The following TBR1 variants were observed in gnomAD, a reference collection of about 807,000 sequenced individuals.
TBR1 encodes the protein T-box brain transcription factor 1.
TBR1 carries 7 observed loss-of-function variants against 60.3 expected under a neutral mutation model. The ratio of observed to expected loss-of-function variants is 0.12; its 90% CI spans 0.07 to 0.22. The LOEUF (loss-of-function observed/expected upper bound fraction) is 0.22, where lower values mean the gene tolerates loss of function less well. Among genes scored for constraint, TBR1 ranks in the 10% least tolerant of loss-of-function variants. TBR1 has a pLI of 1.00. For synonymous variants in TBR1, 417 were observed against 409.9 expected (o/e 1.02, Z -0.21); for missense variants, 616 against 936.8 (o/e 0.66, Z 4.47).
intron 3 of TBR1, 25 bp downstream of exon 3, chr2:161,418,347 TTC>T (rs763014748): frequency 2.9e-5 from 47 of 1,606,972 alleles, no homozygotes; most frequent in South Asian, 2.5e-4. Flanking sequence ...CGCTCGTGTT[TTC>T]TCTCTCTCTC....
chr2:161,423,659 A>G lies in TBR1; in HGVS notation c.1481A>G (p.Asp494Gly). The change falls in exon 6 of 6, where the codon GAC becomes GGC. Residue 494 changes from aspartate (D) to glycine (G), a missense_variant. Around this residue, in one of 8 missense-constraint regions of TBR1, gnomAD observed 210 missense variants for 297.4 expected, o/e 0.71. Coordinates refer to ENST00000389554, the MANE Select transcript of TBR1 (RefSeq NM_006593.4). Reference protein sequence around the residue: ...WFVTPANNRLDFAASAYDTAT... With the variant: ...WFVTPANNRLGFAASAYDTAT... ...GTGACGCCGGCCAACAACCGGCTGG[A>G]CTTCGCGGCCTCGGCCTATGACACG... The G allele has an allele frequency of 6.5e-7, 1 of 1,544,830 alleles. No individual in the cohort carries two copies.
Position 161,416,467 on chromosome 2 carries a change from T to C in TBR1, c.57T>C (p.Asn19=), listed in dbSNP as rs769268980. ...TCATGCTCTCCAAGAAATTTCTCAA[T>C]GTGAGCAGCAGCTACCCACATTCAG... ...PSIMLSKKFL[N]VSSSYPHSGG... Residue 19 remains asparagine (N), a synonymous_variant, in exon 1 of 6, where the codon AAT becomes AAC. Transcript: ENST00000389554. The surrounding 1 kb of genome is among the most constrained non-coding windows in gnomAD (Gnocchi z 6.1). The C allele has an allele frequency of 1.4e-5, 22 of 1,612,956 alleles. No individual in the cohort carries two copies. Among genetic ancestry groups the C allele is most frequent in the Non-Finnish European group, 1.8e-5 (21 of 1,179,400 alleles).
intron 5 of TBR1, 108 bp downstream of exon 5, chr2:161,420,365 GGTT>G (rs1684208692): frequency 1.5e-6 from 1 of 654,096 alleles, no homozygotes; most frequent in Admixed American, 3.1e-5. Context: ...GTGAAGACAA[GGTT>G]GTTTTAGAGG....
chr2:161,420,860 CT>C (rs1488942082), intron 5 of TBR1: 2 of 152,226 alleles, frequency 1.3e-5, no homozygotes, highest in Admixed American at 1.3e-4. Context: ...TCATTTTAGG[CT>C]TTCGGAAAGA....
intron 3 of TBR1, 153 bp from the exon 4 acceptor site, chr2:161,418,739 C>A: frequency 9.3e-7 from 1 of 1,074,078 alleles, no homozygotes; most frequent in Non-Finnish European, 1.3e-6. Flanking sequence ...GCCAGCCAGC[C>A]GCCAGCCAGG....
At chr2:161,419,298 A>G in intron 4 of TBR1, 1 of 484,564 alleles carries the variant, frequency 2.1e-6, no homozygotes. Context: ...TGAGGTGGCC[A>G]GGATTTCTAA....
At chr2:161,423,265 G>C in intron 5 of TBR1, 104 bp from the exon 6 acceptor site, 2 of 834,316 alleles carry the variant, frequency 2.4e-6, no homozygotes, top group Non-Finnish European at 3.6e-6. Flanking sequence ...AGGGTGTGGG[G>C]GTGGGCGAAA....
intron 5 of TBR1, 41 bp from the exon 6 acceptor site, chr2:161,423,328 G>T: frequency 3.0e-6 from 2 of 673,546 alleles, no homozygotes; most frequent in African/African-American, 2.1e-5. Context: ...GGACCTCCGC[G>T]CCACCCCTCG....
In TBR1 at chr2:161,424,009, G is replaced by A; in HGVS notation, c.1831G>A (p.Asp611Asn). 6.3e-7 allele frequency: 1 copy of A among 1,576,918 alleles called. No homozygotes were observed. Among genetic ancestry groups the A allele is most frequent in the Non-Finnish European group, 8.6e-7 (1 of 1,161,760 alleles). Residue 611 changes from aspartate (D) to asparagine (N), a missense_variant, in exon 6 of 6, where the codon GAT (aspartate) becomes AAT (asparagine). Physicochemically the swap from Asp to Asn is conservative, Grantham distance 23. Coordinates refer to ENST00000389554, the MANE Select transcript of TBR1 (RefSeq NM_006593.4). This position sits in a 1 kb window ranked among gnomAD's most constrained non-coding sequence, Gnocchi z 4.4. ...GGACGCCAAGCCCAAGGACCTGTCC[G>A]ATTCCAGCTGGATCGAGACGCCCTC... ...AEDAKPKDLS[D>N]SSWIETPSSI...
intron 5 of TBR1, 179 bp from the exon 6 acceptor site, chr2:161,423,190 G>A: frequency 2.2e-6 from 1 of 454,274 alleles, no homozygotes. Context: ...TTTATTTTGG[G>A]AATGATAGAG....
chr2:161,418,873 C>T lies in TBR1; in HGVS notation c.970-19C>T. 6.2e-7 allele frequency: 1 copy of T among 1,602,578 alleles called. No individual in the cohort carries two copies. Among genetic ancestry groups the T allele is most frequent in the Non-Finnish European group, 8.5e-7 (1 of 1,173,186 alleles). On this transcript the variant is annotated intron_variant, in intron 3 of 5. Coordinates refer to ENST00000389554, the MANE Select transcript of TBR1 (RefSeq NM_006593.4). ...CGTTAACACGCCACCCGGCGCTCCC[C>T]TTTCTTCCCGCCGGACAGATGGTGG...
Position 161,424,414 on chromosome 2 carries a change from C to T in TBR1, c.*187C>T. On this transcript the variant is annotated 3_prime_UTR_variant, in exon 6 of 6. Coordinates refer to ENST00000389554, the MANE Select transcript of TBR1 (RefSeq NM_006593.4). The surrounding 1 kb of genome is among the most constrained non-coding windows in gnomAD (Gnocchi z 4.4). ...ATTTTAACCTTTTTTGCACAGCAGT[C>T]TCTGCAATTAGCTCACCGACCTTCA... The T allele has an allele frequency of 3.1e-6, 2 of 650,060 alleles. No homozygotes were observed. Among genetic ancestry groups the T allele is most frequent in the Admixed American group, 3.1e-5 (1 of 32,480 alleles). The allele number at this position is 650,060 out of a possible 1,614,324, so 40.3% of individuals were successfully genotyped here.
chr2:161,417,025 G>A lies in TBR1; in HGVS notation c.615G>A (p.Gln205=). 2.5e-6 allele frequency: 4 copies of A among 1,613,966 alleles called. No individual in the cohort carries two copies. The South Asian group carries it at 3.3e-5, about 13-fold the overall frequency. ...TQPGLVPGKA[Q]VYLCNRPLWL... is the part of the protein sequence containing the mutation. Reference sequence around the variant, plus strand: ...CGGGGCTGGTGCCCGGCAAAGCACAGGTGTACCTGTGCAACAGGCCCCTTT... The same window carrying A: ...CGGGGCTGGTGCCCGGCAAAGCACAAGTGTACCTGTGCAACAGGCCCCTTT... Residue 205 remains glutamine (Q), a synonymous_variant, in exon 1 of 6, where the codon CAG becomes CAA. Coordinates refer to ENST00000389554, the MANE Select transcript of TBR1 (RefSeq NM_006593.4). The surrounding 1 kb of genome is among the most constrained non-coding windows in gnomAD (Gnocchi z 5.3).
chr2:161,418,453 G>C, intron 3 of TBR1, 131 bp downstream of exon 3: 1 of 1,282,100 alleles, frequency 7.8e-7, no homozygotes, highest in Non-Finnish European at 1.1e-6. Context: ...CTTAAAAATT[G>C]TATTTCCACC....
chr2:161,420,735 T>C (rs910581729), intron 5 of TBR1: 4 of 152,606 alleles, frequency 2.6e-5, no homozygotes, highest in Non-Finnish European at 5.8e-5. Flanking sequence ...TATGCGACCT[T>C]TATTTACCCA....
In TBR1 at chr2:161,424,229, C is replaced by A; in HGVS notation, c.*2C>A. On this transcript the variant is annotated 3_prime_UTR_variant, in exon 6 of 6. Coordinates refer to ENST00000389554, the MANE Select transcript of TBR1 (RefSeq NM_006593.4). This position sits in a 1 kb window ranked among gnomAD's most constrained non-coding sequence, Gnocchi z 4.4. ...TATGGCTTCTACTCGCACAGCTAGG[C>A]CGCCCCTGCCCGCCCGGCCCCGCCG... The A allele has an allele frequency of 6.5e-7, 1 of 1,549,316 alleles. No individual in the cohort carries two copies. Among genetic ancestry groups the A allele is most frequent in the Non-Finnish European group, 8.7e-7 (1 of 1,142,940 alleles).
rs1684120733 is a variant in TBR1 at position 161,416,328 on chromosome 2, A to C, written c.-83A>C. 7 of 1,115,784 alleles carry C rather than the reference A, an allele frequency of 6.3e-6. No individual in the cohort carries two copies. The South Asian group carries it at 1.1e-4, about 17-fold the overall frequency. 69.1% of individuals were successfully genotyped at this position (1,115,784 alleles called of 1,614,324 possible). On this transcript the variant is annotated 5_prime_UTR_variant, in exon 1 of 6. Coordinates refer to ENST00000389554, the MANE Select transcript of TBR1 (RefSeq NM_006593.4). This position sits in a 1 kb window ranked among gnomAD's most constrained non-coding sequence, Gnocchi z 6.1. ...TGGTTGAAGTGCTTTCTGTCTAGTG[A>C]GGGGGTCTGTGGATTTCTAGTTTAT... is the stretch of plus-strand genomic sequence containing the variant.
chr2:161,416,757 C>T lies in TBR1; in HGVS notation c.347C>T (p.Ala116Val), dbSNP rs1684129296. The change falls in exon 1 of 6, where the codon GCG becomes GTG. Residue 116 changes from alanine (A) to valine (V), a missense_variant. Physicochemically the swap from Ala to Val is moderately conservative, Grantham distance 64. Coordinates refer to ENST00000389554, the MANE Select transcript of TBR1 (RefSeq NM_006593.4). This position sits in a 1 kb window ranked among gnomAD's most constrained non-coding sequence, Gnocchi z 6.1. ...TCTCAGTCCAGCCAGCCACAGTCTG[C>T]GGCCACTGCTCCCAGTGCCATGTTC... ...LLSQSSQPQS[A>V]ATAPSAMFPY... The T allele has an allele frequency of 2.5e-6, 4 of 1,614,126 alleles. No individual in the cohort carries two copies. Among genetic ancestry groups the T allele is most frequent in the Non-Finnish European group, 3.4e-6 (4 of 1,180,030 alleles).
In TBR1 at chr2:161,424,046, C is replaced by G; in HGVS notation, c.1868C>G (p.Ser623Cys). Residue 623 changes from serine (S) to cysteine (C), a missense_variant, in exon 6 of 6, where the codon TCC (serine) becomes TGC (cysteine). Physicochemically the swap from Ser to Cys is moderately radical, Grantham distance 112 (BLOSUM62 -1). This residue lies in a region of TBR1 where 210 missense variants were observed against 297.4 expected (regional missense o/e 0.71). Coordinates refer to ENST00000389554, the MANE Select transcript of TBR1 (RefSeq NM_006593.4). This position sits in a 1 kb window ranked among gnomAD's most constrained non-coding sequence, Gnocchi z 4.4. ...ATCGAGACGCCCTCCTCGATCAAGT[C>G]CATCGACTCCAGCGACTCGGGGATT... Reference protein sequence around the residue: ...SWIETPSSIKSIDSSDSGIYE... With the variant: ...SWIETPSSIKCIDSSDSGIYE... 1 of 1,606,614 alleles carries G rather than the reference C, an allele frequency of 6.2e-7. No individual in the cohort carries two copies. The highest frequency in any genetic ancestry group is 8.5e-7 in the Non-Finnish European group (1 of 1,176,936).
Sources: gnomAD v4.1 joint callset for allele counts on GRCh38, gnomAD v4.1.1 for gene constraint, gnomAD v4.1.1 regional missense constraint, Gnocchi (gnomAD v3.1) non-coding constraint, MANE v1.5 for transcripts, NCBI Gene and HGNC (gene_info 2026-07-23, HGNC 2026-07-21) for gene names.